The following EP400 variants were observed in gnomAD, a reference collection of about 807,000 sequenced individuals.
EP400 encodes the protein E1A-binding protein p400.
EP400 carries 105 observed loss-of-function variants against 354.1 expected under a neutral mutation model. The ratio of observed to expected loss-of-function variants is 0.30; its 90% confidence interval spans 0.25 to 0.35. The LOEUF (loss-of-function observed/expected upper bound fraction) is 0.35. Ranked by LOEUF, EP400 falls within the 10% of genes least tolerant of loss-of-function variation. The pLI is 1.00. For synonymous variants in EP400, 1,646 were observed against 1,716.9 expected (o/e 0.96, Z 1.02); for missense variants, 3,280 against 4,121.0 (o/e 0.80, Z 5.59).
intron 1 of EP400, among the ~76,000 whole-genome samples, chr12:131,958,361 C>T (rs1891772838): frequency 1.3e-5 from 2 of 152,294 alleles, no homozygotes; most frequent in Non-Finnish European, 1.5e-5. Flanking sequence ...TTGCAGCCTG[C>T]GTGCTGTCTT....
chr12:132,021,356 T>G (rs1894116794), intron 23 of EP400, 35 bp downstream of exon 23: 1 of 1,480,662 alleles, frequency 6.8e-7, no homozygotes, highest in African/African-American at 1.4e-5. Flanking sequence ...TTCTGCCATC[T>G]CTCTACCCCA....
In EP400 at chr12:131,982,073, G is replaced by C; in HGVS notation, c.1544-20G>C. 1.3e-6 allele frequency: 2 copies of C among 1,502,858 alleles called. No individual in the cohort carries two copies. The highest frequency in any genetic ancestry group is 8.8e-7 in the Non-Finnish European group (1 of 1,132,396). 93.1% of individuals were successfully genotyped at this position (1,502,858 alleles called of 1,614,324 possible). A position where few individuals can be genotyped will look rare whatever the true frequency, so the allele number is the denominator to read the frequency against. On this transcript the variant is annotated intron_variant, in intron 4 of 52. Transcript: ENST00000389561. ...CCACACTTGGGAATCAGTGCTTTTG[G>C]CACTTTTCTTATTTTGCAGGAGGAA... is the stretch of plus-strand genomic sequence containing the variant.
intron 16 of EP400, 62 bp from the exon 17 acceptor site, chr12:132,012,947 T>A (rs1326877149): frequency 6.7e-7 from 1 of 1,495,884 alleles, no homozygotes; most frequent in Non-Finnish European, 8.9e-7. Context: ...GTGTGTGTCC[T>A]CAAGGTGATT....
At chr12:132,000,853 A>C (rs952028100) in intron 12 of EP400, among the ~76,000 whole-genome samples, 8 of 152,234 alleles carry the variant, frequency 5.3e-5, no homozygotes, top group African/African-American at 1.7e-4. Context: ...TGAAATTTTA[A>C]AATTATCTCT....
chr12:132,045,017 A>G, intron 37 of EP400, 64 bp downstream of exon 37: 1 of 1,591,478 alleles, frequency 6.3e-7, no homozygotes, highest in Admixed American at 1.8e-5. Context: ...CCTGCATGTC[A>G]GCCACTTTCT....
intron 2 of EP400, among the ~76,000 whole-genome samples, chr12:131,968,121 C>T (rs1160383814): frequency 6.6e-6 from 1 of 151,986 alleles, no homozygotes; most frequent in Non-Finnish European, 1.5e-5. Flanking sequence ...TACAATTTAT[C>T]GTTTTTTTCT....
chr12:132,011,310 G>A (rs76657531), intron 15 of EP400, among the ~76,000 whole-genome samples, 188 bp from the exon 16 acceptor site: 283 of 152,348 alleles, frequency 1.9e-3, no homozygotes, highest in Non-Finnish European at 1.9e-3. Context: ...TGGGGGCCAA[G>A]GAGCAGCTTC....
Position 132,050,753 on chromosome 12 carries a change from C to A in EP400, c.7394+98C>A. ...GTTCAGCAAATCGTTGTGCACTTAG[C>A]GTGTTCAGGCATCAGCTGGACGTGG... On this transcript the variant is annotated intron_variant, in intron 41 of 52. Transcript: ENST00000389561. This position sits in a 1 kb window ranked among gnomAD's most constrained non-coding sequence, Gnocchi z 4.8. The A allele has an allele frequency of 6.9e-7, 1 of 1,441,650 alleles. No homozygotes were observed. The highest frequency in any genetic ancestry group is 9.7e-7 in the Non-Finnish European group (1 of 1,028,668). The allele number at this position is 1,441,650 out of a possible 1,614,324, so 89.3% of individuals were successfully genotyped here.
chr12:132,033,677 G>T (rs1162923789), intron 30 of EP400, among the ~76,000 whole-genome samples: 1 of 151,780 alleles, frequency 6.6e-6, no homozygotes, highest in East Asian at 1.9e-4. Flanking sequence ...GACTACAGGT[G>T]TGCAGTACCA....
At chr12:131,982,548 G>T (rs1390530140) in intron 5 of EP400, 70 bp downstream of exon 5, 7 of 1,518,068 alleles carry the variant, frequency 4.6e-6, no homozygotes, top group Non-Finnish European at 6.2e-6. Flanking sequence ...GTGTTAGACA[G>T]AGTGTCACAC....
intron 29 of EP400, 114 bp downstream of exon 29, chr12:132,030,272 T>G (rs1243813469): frequency 8.1e-7 from 1 of 1,231,898 alleles, no homozygotes; most frequent in Non-Finnish European, 1.1e-6. Context: ...GGGGAGGGAC[T>G]TAATGAGCTT....
At chr12:132,036,655 A>G (rs1360524011) in intron 30 of EP400, among the ~76,000 whole-genome samples, 2 of 152,094 alleles carry the variant, frequency 1.3e-5, no homozygotes, top group African/African-American at 4.8e-5. Context: ...TGCCATCCCC[A>G]CTTTTTTTAG....
At chr12:131,973,751 G>T (rs1258339396) in intron 2 of EP400, among the ~76,000 whole-genome samples, 1 of 152,166 alleles carries the variant, frequency 6.6e-6, no homozygotes, top group Admixed American at 6.5e-5. Flanking sequence ...TAAATCCAGA[G>T]TGCTCAGCAT....
At chr12:132,060,010 G>A (rs766840799) in intron 45 of EP400, among the ~76,000 whole-genome samples, 1 of 150,718 alleles carries the variant, frequency 6.6e-6, no homozygotes, top group Non-Finnish European at 1.5e-5. Context: ...GTGACAGAGC[G>A]AGACTCCGTT....
chr12:131,953,741 A>G (rs1342155093), intron 1 of EP400, among the ~76,000 whole-genome samples: 1 of 152,230 alleles, frequency 6.6e-6, no homozygotes, highest in African/African-American at 2.4e-5. Flanking sequence ...CGTGACATCT[A>G]GTGTTATCAT....
In EP400 at chr12:132,053,604, AG is replaced by A; in HGVS notation, c.7728+11del. On this transcript the variant is annotated splice_region_variant and intron_variant, in intron 43 of 52. Coordinates refer to ENST00000389561, the MANE Select transcript of EP400 (RefSeq NM_015409.5). ...GGGCAGTGCAGCCGTACTGGTGAGC[AG>A]GGGCCTCCTCCCGGGCTTCCCCTCT... 6.6e-7 allele frequency: 1 copy of A among 1,524,788 alleles called. No homozygotes were observed. Among genetic ancestry groups the A allele is most frequent in the Non-Finnish European group, 8.8e-7 (1 of 1,140,532 alleles). 94.5% of individuals were successfully genotyped at this position (1,524,788 alleles called of 1,614,324 possible).
chr12:132,077,113 ACT>A (rs562337224), intron 52 of EP400, among the ~76,000 whole-genome samples: 53 of 152,280 alleles, frequency 3.5e-4, no homozygotes, highest in African/African-American at 1.2e-3. Context: ...AAGAAACCAA[ACT>A]CTATTAAAAG....
At chr12:132,044,131 G>T (rs749427575) in intron 34 of EP400, 46 bp from the exon 35 acceptor site, 1 of 1,607,974 alleles carries the variant, frequency 6.2e-7, no homozygotes, top group Non-Finnish European at 8.5e-7. Context: ...GGGCTGCTCT[G>T]AGCTGCACTC....
Position 132,044,306 on chromosome 12 carries a change from A to G in EP400, c.6580A>G (p.Ser2194Gly). The G allele has an allele frequency of 1.2e-6, 2 of 1,613,230 alleles. No homozygotes were observed. Among genetic ancestry groups the G allele is most frequent in the Non-Finnish European group, 1.7e-6 (2 of 1,179,494 alleles). Residue 2194 changes from serine (S) to glycine (G), a missense_variant, in exon 35 of 53, where the codon AGC (serine) becomes GGC (glycine). Physicochemically the swap from Ser to Gly is moderately conservative, Grantham distance 56. Coordinates refer to ENST00000389561, the MANE Select transcript of EP400 (RefSeq NM_015409.5). The stretch of plus-strand genomic sequence containing the variant: ...GACCTACACGCGAGAGGATGCCTAC[A>G]GCATGGTACCCGGCCCGGGGCCCTC... ...LLTYTREDAY[S>G]MEYVYEDVDG... is the part of the protein sequence containing the mutation.
Sources: allele counts gnomAD v4.1 joint callset (sites outside exome capture counted in the v4.1 genomes callset), GRCh38; gene constraint gnomAD v4.1.1; non-coding constraint Gnocchi (gnomAD v3.1); transcripts MANE v1.5; gene names NCBI Gene and HGNC (gene_info 2026-07-23, HGNC 2026-07-21).